SORCS2: variants seen among roughly 807,000 people sequenced by gnomAD.
SORCS2 encodes the protein VPS10 domain-containing receptor SorCS2.
In SORCS2, 100 loss-of-function variants were observed where a neutral mutation model predicts 141.6. The observed-to-expected ratio is 0.71, with a 90% CI of 0.60 to 0.83. The LOEUF (loss-of-function observed/expected upper bound fraction) is 0.83, where lower values mean the gene tolerates loss of function less well. SORCS2 is among the 40% of genes least tolerant of loss of function. SORCS2 has a pLI of 0.00. For missense variants in SORCS2, 1,646 were observed against 1,560.2 expected (o/e 1.05, Z -0.93); for synonymous variants, 789 against 676.9 (o/e 1.17, Z -2.57).
intron 9 of SORCS2, among the ~76,000 whole-genome samples, chr4:7,678,163 C>G (rs902247941): frequency 1.3e-5 from 2 of 152,210 alleles, no homozygotes; most frequent in African/African-American, 4.8e-5. Flanking sequence ...GGCCTGGAGA[C>G]ACAGCACAGG....
At chr4:7,588,798 T>C (rs1407058563) in intron 3 of SORCS2, among the ~76,000 whole-genome samples, 1 of 152,240 alleles carries the variant, frequency 6.6e-6, no homozygotes, top group Non-Finnish European at 1.5e-5. Context: ...TACAGTGCAG[T>C]GAATGCTCAC....
chr4:7,289,590 A>G (rs1716473648), intron 1 of SORCS2, among the ~76,000 whole-genome samples: 1 of 152,238 alleles, frequency 6.6e-6, no homozygotes, highest in Non-Finnish European at 1.5e-5. Context: ...AGCAGCTGCC[A>G]CAGAGACCGA....
intron 2 of SORCS2, among the ~76,000 whole-genome samples, chr4:7,486,568 G>A (rs1471273343): frequency 6.6e-6 from 1 of 152,210 alleles, no homozygotes; most frequent in Non-Finnish European, 1.5e-5. Flanking sequence ...GCCTGCGGTA[G>A]CTTCCCGGGG....
At chr4:7,415,297 CG>C (rs1725592115) in intron 2 of SORCS2, among the ~76,000 whole-genome samples, 1 of 152,196 alleles carries the variant, frequency 6.6e-6, no homozygotes, top group African/African-American at 2.4e-5. Context: ...AGATGTGGAC[CG>C]GGTCGTTTCT....
At chr4:7,697,636 A>G (rs1298063488) in intron 12 of SORCS2, among the ~76,000 whole-genome samples, 1 of 152,194 alleles carries the variant, frequency 6.6e-6, no homozygotes, top group Non-Finnish European at 1.5e-5. Context: ...CCAGCCAGGG[A>G]GCCACATGGT....
intron 2 of SORCS2, among the ~76,000 whole-genome samples, chr4:7,470,240 T>C (rs1162209431): frequency 6.6e-6 from 1 of 150,760 alleles, no homozygotes; most frequent in Non-Finnish European, 1.5e-5. Context: ...CATCCACCCA[T>C]CCATCCTCCC....
intron 3 of SORCS2, among the ~76,000 whole-genome samples, chr4:7,577,170 G>A (rs1304928811): frequency 6.6e-6 from 1 of 152,182 alleles, no homozygotes. Context: ...GTCCACATAA[G>A]GGAGTGTGAG....
chr4:7,634,774 G>A (rs756893259), intron 3 of SORCS2, among the ~76,000 whole-genome samples: 4 of 152,198 alleles, frequency 2.6e-5, no homozygotes, highest in Non-Finnish European at 4.4e-5. Flanking sequence ...GATCCTGGCC[G>A]GGAAGGGCAG....
chr4:7,713,448 A>G (rs80090844), intron 15 of SORCS2, among the ~76,000 whole-genome samples: 22,527 of 152,006 alleles, frequency 0.15, 1,822 homozygotes, highest in Middle Eastern at 0.3. Context: ...TACTTGTTAA[A>G]GCGCGGGGTG....
intron 2 of SORCS2, among the ~76,000 whole-genome samples, chr4:7,528,288 G>A (rs1218134920): frequency 6.6e-6 from 1 of 152,144 alleles, no homozygotes; most frequent in Non-Finnish European, 1.5e-5. Flanking sequence ...GTGAGTGGGT[G>A]AATCAATGTT....
chr4:7,480,643 A>C (rs1730573316), intron 2 of SORCS2, among the ~76,000 whole-genome samples: 1 of 152,236 alleles, frequency 6.6e-6, no homozygotes, highest in Non-Finnish European at 1.5e-5. Flanking sequence ...CTGGGATGGC[A>C]GGTGCCCCGG....
chr4:7,354,946 A>G (rs1470031059), intron 1 of SORCS2, among the ~76,000 whole-genome samples: 1 of 152,202 alleles, frequency 6.6e-6, no homozygotes, highest in Non-Finnish European at 1.5e-5. Flanking sequence ...GGCTTTTATC[A>G]ATATTTTATT....
At chr4:7,387,700 G>T (rs567676911) in intron 1 of SORCS2, among the ~76,000 whole-genome samples, 4 of 109,910 alleles carry the variant, frequency 3.6e-5, no homozygotes, top group Non-Finnish European at 7.3e-5. Flanking sequence ...AGATACACAC[G>T]CACATGCACA....
intron 26 of SORCS2, 41 bp from the exon 27 acceptor site, chr4:7,740,159 G>C (rs376680855): frequency 1.9e-6 from 3 of 1,572,184 alleles, no homozygotes; most frequent in East Asian, 2.3e-5. Flanking sequence ...CTCCAGTCCC[G>C]GGCTTGTGCT....
At chr4:7,427,827 A>G (rs1420302619) in intron 2 of SORCS2, among the ~76,000 whole-genome samples, 1 of 149,738 alleles carries the variant, frequency 6.7e-6, no homozygotes, top group Non-Finnish European at 1.5e-5. Flanking sequence ...CCCCTCCCCA[A>G]CGATCCCACA....
intron 1 of SORCS2, among the ~76,000 whole-genome samples, chr4:7,377,341 G>T (rs899571423): frequency 9.7e-6 from 1 of 102,914 alleles, no homozygotes; most frequent in African/African-American, 3.8e-5. Flanking sequence ...CCCAGTTCCA[G>T]AACTGGGGCT....
At chr4:7,248,343 G>A (rs1010129516) in intron 1 of SORCS2, among the ~76,000 whole-genome samples, 1 of 151,892 alleles carries the variant, frequency 6.6e-6, no homozygotes, top group Non-Finnish European at 1.5e-5. Context: ...CCGTGGGGGG[G>A]CCCTGGGATG....
intron 3 of SORCS2, among the ~76,000 whole-genome samples, chr4:7,578,027 C>T (rs539754027): frequency 6.6e-6 from 1 of 152,220 alleles, no homozygotes; most frequent in South Asian, 2.1e-4. Flanking sequence ...ATTTGGTGAC[C>T]AAAGTGGCCA....
At chr4:7,551,975 G>A (rs538338376) in intron 3 of SORCS2, among the ~76,000 whole-genome samples, 7 of 152,246 alleles carry the variant, frequency 4.6e-5, no homozygotes, top group South Asian at 4.2e-4. Context: ...AAATCATGGC[G>A]TCCTTAATGG....
Sources: gnomAD v4.1 joint callset for allele counts (sites outside exome capture counted in the v4.1 genomes callset) on GRCh38, gnomAD v4.1.1 for gene constraint, MANE v1.5 for transcripts, NCBI Gene and HGNC (gene_info 2026-07-23, HGNC 2026-07-21) for gene names.